MEGF6: variants seen among roughly 807,000 people sequenced by gnomAD.
The protein encoded by MEGF6 is multiple EGF like domains 6, also known as multiple epidermal growth factor-like domains protein 6.
MEGF6 carries 184 observed loss-of-function variants against 207.1 expected under a neutral mutation model. That is an observed-to-expected ratio of 0.89 (90% CI 0.79 to 1.00). MEGF6 has a LOEUF of 1.00. MEGF6 is among the 50% of genes least tolerant of loss of function. MEGF6 has a pLI of 0.00. For missense variants in MEGF6, 2,282 were observed against 2,202.9 expected, an observed-to-expected ratio of 1.04 and a Z score of -0.72; for synonymous variants, 1,038 against 910.0, an observed-to-expected ratio of 1.14 and a Z score of -2.53.
Position 3,498,693 on chromosome 1 carries a change from C to T in MEGF6, c.3223+5G>A, listed in dbSNP as rs895936478. ...TATGTCCCTCCTCTGCCGCCCAGCG[C>T]TCACCCTTCTCACAGGCCAGGCCGG... On this transcript the variant is annotated splice_donor_5th_base_variant and intron_variant, in intron 25 of 36. Coordinates refer to ENST00000356575, the MANE Select transcript of MEGF6 (RefSeq NM_001409.4). The T allele has an allele frequency of 3.2e-6, 5 of 1,561,112 alleles. No homozygotes were observed. The highest frequency in any genetic ancestry group is 1.7e-4 in the Middle Eastern group (1 of 5,804).
chr1:3,518,994 G>A (rs1641643340), intron 5 of MEGF6, among the ~76,000 whole-genome samples: 1 of 152,222 alleles, frequency 6.6e-6, no homozygotes, highest in African/African-American at 2.4e-5. Context: ...ACACGCCAAG[G>A]GGTCTGAGCC....
In MEGF6 at chr1:3,499,641, A is replaced by G; in HGVS notation, c.2912T>C (p.Val971Ala). The stretch of plus-strand genomic sequence containing the variant: ...AGCGGGGCAGAGGCAGGAGCCATTC[A>G]CGGCATCACAGGCAGCTCCGGCGGT... Reference protein sequence around the residue: ...NCTAGAACDAVNGSCLCPAGR... With the variant: ...NCTAGAACDAANGSCLCPAGR... Residue 971 changes from valine to alanine, a missense_variant, in exon 23 of 37, where the codon GTG becomes GCG. Physicochemically the swap from Val to Ala is moderately conservative, Grantham distance 64 (BLOSUM62 0). Coordinates refer to ENST00000356575, the MANE Select transcript of MEGF6 (RefSeq NM_001409.4). The G allele has an allele frequency of 1.3e-6, 2 of 1,594,044 alleles. No individual in the cohort carries two copies. Among genetic ancestry groups the G allele is most frequent in the Non-Finnish European group, 1.7e-6 (2 of 1,171,432 alleles).
chr1:3,613,176 C>T (rs944574890), upstream of MEGF6, among the ~76,000 whole-genome samples: 2 of 152,194 alleles, frequency 1.3e-5, no homozygotes, highest in Admixed American at 6.5e-5. Flanking sequence ...CTCTGTCCTA[C>T]GGGGTTCTCA....
At chr1:3,510,923 GC>G (rs1641322733) in intron 9 of MEGF6, 21 bp from the exon 10 acceptor site, 4 of 1,587,166 alleles carry the variant, frequency 2.5e-6, no homozygotes, top group East Asian at 2.3e-5. Context: ...CACGCCACGG[GC>G]CCCCTGGTAC....
chr1:3,528,380 G>A (rs1194725073), intron 4 of MEGF6, among the ~76,000 whole-genome samples: 2 of 152,250 alleles, frequency 1.3e-5, no homozygotes, highest in East Asian at 3.8e-4. Flanking sequence ...CGCAGGTGCT[G>A]AGCCGGTGAC....
Position 3,592,909 on chromosome 1 carries a change from C to T in MEGF6, c.376+2429G>A, listed in dbSNP as rs545040245. On this transcript the variant is annotated intron_variant, in intron 3 of 36. Coordinates refer to ENST00000356575, the MANE Select transcript of MEGF6 (RefSeq NM_001409.4). Reference sequence around the variant, plus strand: ...AGGATCTGTGTGGAGACCCCACCGACGTGACAACCAGGACCCCCACCCTCC... The same window carrying T: ...AGGATCTGTGTGGAGACCCCACCGATGTGACAACCAGGACCCCCACCCTCC... Among the ~76,000 whole-genome samples, 9 of 152,350 alleles carry T rather than the reference C, an allele frequency of 5.9e-5. No homozygotes were observed. In the South Asian group the frequency reaches 1.2e-3, roughly 21 times the overall value.
At chr1:3,549,622 A>G (rs143145668) in intron 4 of MEGF6, among the ~76,000 whole-genome samples, 3 of 152,296 alleles carry the variant, frequency 2.0e-5, no homozygotes, top group East Asian at 3.9e-4. Context: ...AGACACTGGC[A>G]TGGGATATCC....
chr1:3,606,016 T>C (rs1166916304), intron 1 of MEGF6, among the ~76,000 whole-genome samples: 8 of 152,134 alleles, frequency 5.3e-5, no homozygotes, highest in African/African-American at 1.9e-4. Flanking sequence ...TGACAGATAC[T>C]CTGTCCCCCT....
At chr1:3,550,547 G>GA (rs1355477940) in intron 4 of MEGF6, among the ~76,000 whole-genome samples, 1 of 152,194 alleles carries the variant, frequency 6.6e-6, no homozygotes, top group Non-Finnish European at 1.5e-5. Flanking sequence ...CTTCATTTAA[G>GA]AAAAAAGAGA....
chr1:3,590,398 C>A (rs201793347), intron 3 of MEGF6, among the ~76,000 whole-genome samples: 458 of 10,304 alleles, frequency 0.044, 6 homozygotes, highest in African/African-American at 0.053. Flanking sequence ...GGAAGGACAC[C>A]CCCCCAGCAA....
At chr1:3,508,061 C>CATGAG in intron 13 of MEGF6, 138 bp from the exon 14 acceptor site, 5 of 927,250 alleles carry the variant, frequency 5.4e-6, no homozygotes, top group South Asian at 1.7e-5. Context: ...TCACCCCTGC[C>CATGAG]CATGCTCATG....
At chr1:3,579,716 G>C (rs985353079) in intron 4 of MEGF6, 109 bp downstream of exon 4, 2 of 667,556 alleles carry the variant, frequency 3.0e-6, no homozygotes, top group Non-Finnish European at 4.7e-6. Context: ...TTCACTCGGG[G>C]TGTCCCCTAC....
intron 4 of MEGF6, among the ~76,000 whole-genome samples, chr1:3,539,179 C>G (rs1265977502): frequency 6.6e-6 from 1 of 152,030 alleles, no homozygotes; most frequent in Admixed American, 6.5e-5. Context: ...GGTGGGGAGG[C>G]GGCCCAGGGC....
intron 4 of MEGF6, among the ~76,000 whole-genome samples, chr1:3,554,088 T>TGGCGCCTGCTTCCAG (rs1642966529): frequency 6.6e-6 from 1 of 152,098 alleles, no homozygotes; most frequent in African/African-American, 2.4e-5. Context: ...GGAACAAGCT[T>TGGCGCCTGCTTCCAG]GGCGCCTGCT....
At position 3,514,555 on chromosome 1, in the gene MEGF6, C is replaced by A; in HGVS notation, c.848G>T (p.Cys283Phe). Reference protein sequence around the residue: ...GYQLAADGKACEDVDECAAGL... With the variant: ...GYQLAADGKAFEDVDECAAGL... ...GCAGGGGAGGGGCGTCCTACCTTCA[C>A]AGGCCTTGCCGTCCGCTGCTAGCTG... The change falls in exon 7 of 37, where the codon TGT (cysteine) becomes TTT (phenylalanine). Residue 283 changes from cysteine (C) to phenylalanine (F), a missense_variant. Physicochemically the swap from Cys to Phe is radical, Grantham distance 205. Transcript: ENST00000356575. The A allele has an allele frequency of 6.3e-7, 1 of 1,591,654 alleles. No individual in the cohort carries two copies. Among genetic ancestry groups the A allele is most frequent in the East Asian group, 2.3e-5 (1 of 44,192 alleles).
chr1:3,574,544 G>T (rs1383756759), intron 4 of MEGF6, among the ~76,000 whole-genome samples: 1 of 140,690 alleles, frequency 7.1e-6, no homozygotes, highest in East Asian at 2.4e-4. Flanking sequence ...TGGTGGTGCT[G>T]GAGACCCGTC....
Position 3,488,437 on chromosome 1 carries a change from G to C in MEGF6, c.*2091C>G, listed in dbSNP as rs1640226449. On this transcript the variant is annotated 3_prime_UTR_variant, in exon 37 of 37. Coordinates refer to ENST00000356575, the MANE Select transcript of MEGF6 (RefSeq NM_001409.4). ...CATTGGGGAGTAATGGTGATATTCT[G>C]ACTCTCTGAATTCCTAGGCCATTTG... Among the ~76,000 whole-genome samples, 1 of 152,176 alleles carries C rather than the reference G, an allele frequency of 6.6e-6. No homozygotes were observed. Among genetic ancestry groups the C allele is most frequent in the African/African-American group, 2.4e-5 (1 of 41,426 alleles).
At chr1:3,569,938 G>A (rs1297486820) in intron 4 of MEGF6, among the ~76,000 whole-genome samples, 4 of 152,254 alleles carry the variant, frequency 2.6e-5, no homozygotes, top group Non-Finnish European at 5.9e-5. Flanking sequence ...AGGCCAGGGA[G>A]GATAGCATTA....
At chr1:3,591,064 C>T (rs1475073001) in intron 3 of MEGF6, among the ~76,000 whole-genome samples, 1 of 152,158 alleles carries the variant, frequency 6.6e-6, no homozygotes. Context: ...GAGGCAGAGC[C>T]TCCCAGGGGC....
Sources: allele counts gnomAD v4.1 joint callset (sites outside exome capture counted in the v4.1 genomes callset), GRCh38; gene constraint gnomAD v4.1.1; transcripts MANE v1.5; gene names NCBI Gene and HGNC (gene_info 2026-07-23, HGNC 2026-07-21).